SGCZ: variants seen among roughly 807,000 people sequenced by gnomAD.
SGCZ encodes zeta-sarcoglycan.
In SGCZ, 40 loss-of-function variants were observed where a neutral mutation model predicts 41.3. That is an observed-to-expected ratio of 0.97 (90% CI 0.75 to 1.26). The LOEUF (loss-of-function observed/expected upper bound fraction) is 1.26. SGCZ is among the 50% of genes most tolerant of loss of function. The pLI, the probability that SGCZ is intolerant of heterozygous loss-of-function variation, is 0.00. For missense variants in SGCZ, 552 were observed against 369.8 expected, an observed-to-expected ratio of 1.49 and a Z score of -4.04; for synonymous variants, 206 against 137.5, an observed-to-expected ratio of 1.50 and a Z score of -3.49.
At chr8:14,103,159 G>A (rs1412375997) in intron 6 of SGCZ, among the ~76,000 whole-genome samples, 1 of 151,960 alleles carries the variant, frequency 6.6e-6, no homozygotes, top group Non-Finnish European at 1.5e-5. Context: ...TAATATACAA[G>A]TACAAATGCG....
chr8:15,063,417 T>C (rs953680215), intron 1 of SGCZ, among the ~76,000 whole-genome samples: 2 of 152,132 alleles, frequency 1.3e-5, no homozygotes, highest in African/African-American at 2.4e-5. Context: ...AAAAGTTATA[T>C]TACAAAGAAA....
chr8:14,649,879 G>C (rs987650995), intron 1 of SGCZ, among the ~76,000 whole-genome samples: 3 of 151,966 alleles, frequency 2.0e-5, no homozygotes, highest in African/African-American at 7.3e-5. Context: ...GAACCAGTCA[G>C]CCTAGAAATA....
rs556728255 is a variant in SGCZ at position 14,654,120 on chromosome 8, T to C, written c.40-99194A>G. Among the ~76,000 whole-genome samples, 11 of 151,542 alleles carry C rather than the reference T, an allele frequency of 7.3e-5. 1 individual carries two copies. In the Middle Eastern group the frequency reaches 0.01, roughly 142 times the overall value. On this transcript the variant is annotated intron_variant, in intron 1 of 7. Transcript: ENST00000382080. ...TCAATAACTTTTGCATATATATATATACACACACACACAGAGTAGTAGAAT... is the reference window on the plus strand; with the variant it reads ...TCAATAACTTTTGCATATATATATACACACACACACACAGAGTAGTAGAAT...
chr8:14,574,943 A>G (rs1469443434), intron 1 of SGCZ, among the ~76,000 whole-genome samples: 2 of 152,198 alleles, frequency 1.3e-5, no homozygotes, highest in African/African-American at 4.8e-5. Flanking sequence ...AAGAACGCAC[A>G]AAAATAAAAT....
intron 2 of SGCZ, among the ~76,000 whole-genome samples, chr8:14,469,011 C>T (rs1801132842): frequency 6.6e-6 from 1 of 151,976 alleles, no homozygotes; most frequent in South Asian, 2.1e-4. Context: ...CTCACTTGTC[C>T]TCTTGCCTCC....
At chr8:14,366,463 T>C (rs563833040) in intron 2 of SGCZ, among the ~76,000 whole-genome samples, 57 of 152,266 alleles carry the variant, frequency 3.7e-4, no homozygotes, top group African/African-American at 1.3e-3. Context: ...GGTCTCTTTC[T>C]AAACACCTGT....
chr8:14,775,273 C>A (rs1241387989), intron 1 of SGCZ, among the ~76,000 whole-genome samples: 1 of 151,928 alleles, frequency 6.6e-6, no homozygotes, highest in Non-Finnish European at 1.5e-5. Flanking sequence ...GAGCCCAGAA[C>A]AAAAACCATT....
intron 1 of SGCZ, among the ~76,000 whole-genome samples, chr8:15,177,704 C>T (rs1800041811): frequency 6.6e-6 from 1 of 152,158 alleles, no homozygotes; most frequent in African/African-American, 2.4e-5. Context: ...AAGTTAAGGT[C>T]TAACAGAATG....
intron 1 of SGCZ, among the ~76,000 whole-genome samples, chr8:14,701,739 G>C (rs986676158): frequency 7.9e-5 from 12 of 151,472 alleles, no homozygotes; most frequent in African/African-American, 2.7e-4. Flanking sequence ...ACCAGCATCA[G>C]GTCTGCCACC....
At chr8:14,526,275 G>A (rs1266520265) in intron 2 of SGCZ, among the ~76,000 whole-genome samples, 1 of 151,998 alleles carries the variant, frequency 6.6e-6, no homozygotes, top group African/African-American at 2.4e-5. Context: ...ATGTTGACAT[G>A]TTATGCCTCT....
At chr8:14,917,550 A>C (rs984090953) in intron 1 of SGCZ, among the ~76,000 whole-genome samples, 1 of 152,086 alleles carries the variant, frequency 6.6e-6, no homozygotes, top group African/African-American at 2.4e-5. Context: ...ATTAGTTTCA[A>C]CATTTCATGG....
chr8:14,309,148 A>C, intron 3 of SGCZ: 1 of 1,464,586 alleles, frequency 6.8e-7, no homozygotes, highest in Non-Finnish European at 9.5e-7. Flanking sequence ...ACAGATGGGC[A>C]CTCTGGTTTT....
At chr8:14,140,854 G>A (rs1216537628) in intron 5 of SGCZ, among the ~76,000 whole-genome samples, 1 of 152,132 alleles carries the variant, frequency 6.6e-6, no homozygotes, top group African/African-American at 2.4e-5. Context: ...AAAAGAGCCC[G>A]CATAGCCAAG....
intron 2 of SGCZ, among the ~76,000 whole-genome samples, chr8:14,536,587 A>G (rs1803303743): frequency 6.6e-6 from 1 of 151,914 alleles, no homozygotes; most frequent in Non-Finnish European, 1.5e-5. Flanking sequence ...AATTTAAGCC[A>G]ACTGAAAATC....
intron 4 of SGCZ, among the ~76,000 whole-genome samples, chr8:14,234,226 T>C (rs554796543): frequency 2.0e-5 from 3 of 152,086 alleles, no homozygotes; most frequent in African/African-American, 4.8e-5. Context: ...TTTGCATTTA[T>C]TGTATTAGAA....
intron 4 of SGCZ, among the ~76,000 whole-genome samples, chr8:14,236,447 A>AT (rs1407065308): frequency 2.6e-5 from 4 of 152,122 alleles, no homozygotes; most frequent in African/African-American, 9.7e-5. Context: ...CAAAACAAAT[A>AT]TTTAAAAAAA....
chr8:14,315,491 T>C (rs1220161745), intron 3 of SGCZ, among the ~76,000 whole-genome samples: 1 of 151,996 alleles, frequency 6.6e-6, no homozygotes, highest in Admixed American at 6.6e-5. Context: ...GGGATAAGGA[T>C]AAAAAACAGT....
intron 3 of SGCZ, among the ~76,000 whole-genome samples, chr8:14,299,348 A>G (rs1224186804): frequency 6.6e-6 from 1 of 152,030 alleles, no homozygotes; most frequent in Non-Finnish European, 1.5e-5. Context: ...CTCAAAAACA[A>G]ACATTATTAG....
chr8:14,113,942 C>T (rs1213267818), intron 5 of SGCZ, among the ~76,000 whole-genome samples: 2 of 151,996 alleles, frequency 1.3e-5, no homozygotes, highest in Non-Finnish European at 1.5e-5. Context: ...TCTCATTTTT[C>T]AAGATCTGAA....
Sources: allele counts gnomAD v4.1 joint callset (sites outside exome capture counted in the v4.1 genomes callset), GRCh38; gene constraint gnomAD v4.1.1; transcripts MANE v1.5; gene names NCBI Gene and HGNC (gene_info 2026-07-23, HGNC 2026-07-21).